The following GNG2 variants were observed in gnomAD, a reference collection of about 807,000 sequenced individuals.
GNG2 encodes the protein G protein subunit gamma 2.
A neutral mutation model predicts 5.5 loss-of-function variants in GNG2; 5 were observed. The observed-to-expected ratio is 0.91, with a 90% confidence interval of 0.48 to 1.92. GNG2 has a LOEUF of 1.92. Ranked by LOEUF, GNG2 falls within the 30% of genes most tolerant of loss-of-function variation. The probability of loss-of-function intolerance (pLI) is 0.01; values close to 1 mark genes in which losing one functional copy is unlikely to be tolerated. For synonymous variants in GNG2, 28 were observed against 32.0 expected (o/e 0.88, Z 0.42); for missense variants, 55 against 88.4 (o/e 0.62, Z 1.52).
At chr14:51,856,801 T>C (rs958596253), upstream of GNG2, among the ~76,000 whole-genome samples, 10 of 152,252 alleles carry the variant, frequency 6.6e-5, no homozygotes, top group Non-Finnish European at 1.2e-4. Context: ...AATGCAGAAA[T>C]GGAACTAGGA....
In GNG2 at chr14:51,920,809, C is replaced by T. The variant is rs138357597; in HGVS notation, c.-29-29841C>T. ...AGATGTTGATCTTTCTCAACCAAGA[C>T]ATCATGAATTTCCATAGCCCCAATA... On this transcript the variant is annotated intron_variant, in intron 2 of 3. Transcript: ENST00000556766. Among the ~76,000 whole-genome samples the T allele has an allele frequency of 1.4e-3, 220 of 152,270 alleles. 3 individuals carry two copies. The highest frequency in any genetic ancestry group is 6.0e-4 in the Non-Finnish European group (41 of 68,010).
chr14:51,827,908 G>C (rs899664210), intron 2 of GNG2: 4 of 602,196 alleles, frequency 6.6e-6, no homozygotes, highest in Non-Finnish European at 8.8e-6. Flanking sequence ...AGCTTGGAGA[G>C]AGAGTCTGAG....
chr14:51,914,023 T>C (rs1036674295), intron 2 of GNG2: 31 of 515,732 alleles, frequency 6.0e-5, no homozygotes, highest in Non-Finnish European at 8.6e-5. Context: ...AGAATTTCCA[T>C]GTGTGCTTAA....
At chr14:51,837,812 A>G (rs78507467) in intron 2 of GNG2, among the ~76,000 whole-genome samples, 15,763 of 152,208 alleles carry the variant, frequency 0.1, 869 homozygotes, top group Middle Eastern at 0.18. Context: ...TAATTTAGAT[A>G]CAAAATTGGT....
At chr14:51,942,605 TTA>T (rs1355868071) in intron 2 of GNG2, among the ~76,000 whole-genome samples, 1 of 8,360 alleles carries the variant, frequency 1.2e-4, no homozygotes, top group African/African-American at 2.5e-4. Context: ...TTTTTTTTTT[TTA>T]GAGACAGGGA....
intron 2 of GNG2, among the ~76,000 whole-genome samples, chr14:51,949,990 T>A (rs751802664): frequency 4.6e-5 from 7 of 152,178 alleles, no homozygotes; most frequent in Non-Finnish European, 8.8e-5. Context: ...TCCTCCCACC[T>A]TGACCTTTCA....
intron 2 of GNG2, among the ~76,000 whole-genome samples, chr14:51,847,661 G>A (rs1339091463): frequency 6.6e-6 from 1 of 151,992 alleles, no homozygotes; most frequent in African/African-American, 2.4e-5. Context: ...ACCTACAGGC[G>A]GGTTGAGTTT....
chr14:51,848,067 C>T (rs968099361), intron 2 of GNG2, among the ~76,000 whole-genome samples: 1 of 151,928 alleles, frequency 6.6e-6, no homozygotes. Flanking sequence ...TAGTAAATAG[C>T]TCCACCAGTC....
intron 3 of GNG2, 34 bp downstream of exon 3, chr14:51,950,799 G>GT (rs755187459): frequency 3.7e-6 from 5 of 1,355,454 alleles, no homozygotes; most frequent in Non-Finnish European, 5.1e-6. Flanking sequence ...TTCATCTAGC[G>GT]TGAGTCTAAG....
Position 51,874,297 on chromosome 14 carries a change from C to T in GNG2, c.-70-3320C>T, listed in dbSNP as rs148389975. ...AAAATTAGCCGGGCGTGGTGGTGGG[C>T]GCCTGTACTCCCAGCTACTTGGGAA... On this transcript the variant is annotated intron_variant, in intron 1 of 3. Transcript: ENST00000556766. Among the ~76,000 whole-genome samples, 144 of 151,870 alleles carry T rather than the reference C, an allele frequency of 9.5e-4. 5 individuals carry two copies. The East Asian group carries it at 0.023, about 25-fold the overall frequency.
chr14:51,939,331 T>A (rs1056489474), intron 2 of GNG2, among the ~76,000 whole-genome samples: 1 of 152,190 alleles, frequency 6.6e-6, no homozygotes, highest in South Asian at 2.1e-4. Flanking sequence ...GACTTTGAAG[T>A]CATTTTTCGA....
chr14:51,858,771 T>C (rs916813231), upstream of GNG2, among the ~76,000 whole-genome samples: 144 of 152,322 alleles, frequency 9.5e-4, no homozygotes, highest in African/African-American at 3.3e-3. Flanking sequence ...GTTGGTGGAT[T>C]CATGCCCAAT....
At chr14:51,908,500 A>C (rs1465734909) in intron 2 of GNG2, among the ~76,000 whole-genome samples, 1 of 151,932 alleles carries the variant, frequency 6.6e-6, no homozygotes, top group Non-Finnish European at 1.5e-5. Context: ...TGGTCAAGTT[A>C]ATAAAAATGA....
At chr14:51,936,799 T>C (rs1158115174) in intron 2 of GNG2, among the ~76,000 whole-genome samples, 1 of 152,130 alleles carries the variant, frequency 6.6e-6, no homozygotes, top group African/African-American at 2.4e-5. Context: ...CATCTCAGCC[T>C]CCCAAAGTGC....
At chr14:51,955,265 G>C (rs961154353) in intron 3 of GNG2, among the ~76,000 whole-genome samples, 1 of 151,934 alleles carries the variant, frequency 6.6e-6, no homozygotes, top group African/African-American at 2.4e-5. Flanking sequence ...CACCTCTCTG[G>C]TTATTCTGGG....
chr14:51,947,351 C>CTG (rs1566706849), intron 2 of GNG2, among the ~76,000 whole-genome samples: 1 of 151,738 alleles, frequency 6.6e-6, no homozygotes, highest in Non-Finnish European at 1.5e-5. Context: ...ATAGATTATC[C>CTG]TGGATTATCT....
upstream of GNG2, among the ~76,000 whole-genome samples, chr14:51,859,360 T>C (rs1882313444): frequency 6.6e-6 from 1 of 152,206 alleles, no homozygotes; most frequent in South Asian, 2.1e-4. Context: ...GTTGAATAAA[T>C]TGTTATTAAA....
At chr14:51,927,656 C>G (rs1360086612) in intron 2 of GNG2, among the ~76,000 whole-genome samples, 1 of 152,156 alleles carries the variant, frequency 6.6e-6, no homozygotes, top group Non-Finnish European at 1.5e-5. Context: ...TCCCTAGCTC[C>G]AAGCACTGCC....
rs75789385 is a variant in GNG2, at chr14:51,862,344, C to T, written c.-71+1554C>T. Among the ~76,000 whole-genome samples the T allele has an allele frequency of 1.1e-4, 16 of 152,294 alleles. No homozygotes were observed. In the East Asian group the frequency reaches 2.5e-3, roughly 24 times the overall value. On this transcript the variant is annotated intron_variant, in intron 1 of 3. Transcript: ENST00000556766. Reference sequence around the variant, plus strand: ...AATCAAACTTGTGGGCAAAACAAGTCGTGACATGGATTTTGCAGTTCCACT... The same window carrying T: ...AATCAAACTTGTGGGCAAAACAAGTTGTGACATGGATTTTGCAGTTCCACT...
Sources: allele counts gnomAD v4.1 joint callset (sites outside exome capture counted in the v4.1 genomes callset), GRCh38; gene constraint gnomAD v4.1.1; transcripts MANE v1.5; gene names NCBI Gene and HGNC (gene_info 2026-07-23, HGNC 2026-07-21).